Variants in GRM8 observed in about 807,000 individuals in gnomAD.
GRM8 encodes the protein glutamate metabotropic receptor 8.
GRM8 carries 47 observed loss-of-function variants against 87.2 expected under a neutral mutation model. The observed-to-expected ratio is 0.54, with a 90% CI of 0.43 to 0.69. The LOEUF (loss-of-function observed/expected upper bound fraction) is 0.69, where lower values mean the gene tolerates loss of function less well. GRM8 is among the 30% of genes least tolerant of loss of function. GRM8 has a pLI of 0.00. For missense variants in GRM8, 1,019 were observed against 1,139.2 expected (o/e 0.89, Z 1.52); for synonymous variants, 396 against 404.5 (o/e 0.98, Z 0.25).
At chr7:126,980,702 C>T (rs1052863718) in intron 3 of GRM8, among the ~76,000 whole-genome samples, 7 of 152,142 alleles carry the variant, frequency 4.6e-5, no homozygotes, top group Non-Finnish European at 7.3e-5. Context: ...TTAACCTTGG[C>T]GATAGTTCTT....
At chr7:126,822,859 T>C (rs1794428773) in intron 6 of GRM8, among the ~76,000 whole-genome samples, 1 of 152,224 alleles carries the variant, frequency 6.6e-6, no homozygotes, top group South Asian at 2.1e-4. Flanking sequence ...GCTATCCAGA[T>C]GCAGACAATT....
Position 126,649,609 on chromosome 7 carries a change from AG to A in GRM8, c.1358-40112del, listed in dbSNP as rs552015259. Reference sequence around the variant, plus strand: ...GACTAATACAGATTTTGGTACCTGGAGTGGAGTCAGTAGAGACATTCCTTCT... The same window carrying A: ...GACTAATACAGATTTTGGTACCTGGATGGAGTCAGTAGAGACATTCCTTCT... On this transcript the variant is annotated intron_variant, in intron 7 of 10. Coordinates refer to ENST00000339582, the MANE Select transcript of GRM8 (RefSeq NM_000845.3). Among the ~76,000 whole-genome samples the A allele has an allele frequency of 3.9e-5, 6 of 152,258 alleles. No individual in the cohort carries two copies. In the South Asian group the frequency reaches 1.2e-3, roughly 32 times the overall value.
intron 6 of GRM8, among the ~76,000 whole-genome samples, chr7:126,848,467 A>G (rs1170040434): frequency 6.6e-6 from 1 of 152,160 alleles, no homozygotes; most frequent in Admixed American, 6.5e-5. Context: ...GTTAAATAAA[A>G]TATATTAAAA....
chr7:126,978,315 C>A (rs1165223899), intron 3 of GRM8, among the ~76,000 whole-genome samples: 1 of 152,086 alleles, frequency 6.6e-6, no homozygotes, highest in African/African-American at 2.4e-5. Flanking sequence ...CCATGAAGTA[C>A]TGCAATACAA....
At chr7:127,201,386 C>G (rs960803764) in intron 2 of GRM8, among the ~76,000 whole-genome samples, 2 of 152,154 alleles carry the variant, frequency 1.3e-5, no homozygotes, top group African/African-American at 4.8e-5. Context: ...CTGGGGCTGC[C>G]GCTCAAATGC....
intron 7 of GRM8, among the ~76,000 whole-genome samples, chr7:126,726,625 C>T (rs1813011052): frequency 6.6e-6 from 1 of 152,066 alleles, no homozygotes; most frequent in Admixed American, 6.6e-5. Flanking sequence ...ATCTGATGGC[C>T]CTTTTCTACT....
chr7:126,514,795 T>C (rs1469036694), intron 9 of GRM8, among the ~76,000 whole-genome samples: 1 of 152,068 alleles, frequency 6.6e-6, no homozygotes, highest in East Asian at 1.9e-4. Flanking sequence ...ATTGTACTAA[T>C]TAAAATTCTA....
At chr7:127,209,059 G>A (rs899371741) in intron 2 of GRM8, among the ~76,000 whole-genome samples, 1 of 152,178 alleles carries the variant, frequency 6.6e-6, no homozygotes, top group Non-Finnish European at 1.5e-5. Context: ...CTGCACGGCT[G>A]CAAGAACCAA....
intron 9 of GRM8, among the ~76,000 whole-genome samples, chr7:126,523,019 T>C (rs1396431019): frequency 2.0e-5 from 3 of 152,236 alleles, no homozygotes; most frequent in Non-Finnish European, 4.4e-5. Context: ...AGCTATAAGC[T>C]GACACTTAAA....
At chr7:126,800,082 T>C (rs1822481097) in intron 6 of GRM8, among the ~76,000 whole-genome samples, 1 of 152,118 alleles carries the variant, frequency 6.6e-6, no homozygotes, top group South Asian at 2.1e-4. Context: ...TATGATGACA[T>C]GGTTATCCTC....
chr7:126,660,348 A>T (rs1350146837), intron 7 of GRM8, among the ~76,000 whole-genome samples: 1 of 152,204 alleles, frequency 6.6e-6, no homozygotes, highest in Non-Finnish European at 1.5e-5. Flanking sequence ...GATAATCTAT[A>T]TAAAGTGCAA....
chr7:126,782,849 C>A (rs1251387308), intron 6 of GRM8, among the ~76,000 whole-genome samples: 1 of 152,120 alleles, frequency 6.6e-6, no homozygotes, highest in Non-Finnish European at 1.5e-5. Flanking sequence ...CTAGGTCTTT[C>A]ACTTTTCTTC....
At chr7:126,813,464 C>G (rs914755499) in intron 6 of GRM8, among the ~76,000 whole-genome samples, 11 of 152,104 alleles carry the variant, frequency 7.2e-5, no homozygotes, top group African/African-American at 2.7e-4. Flanking sequence ...AATGAGGACA[C>G]TGGAGACATG....
At chr7:126,704,737 T>C (rs1810311855) in intron 7 of GRM8, among the ~76,000 whole-genome samples, 1 of 152,080 alleles carries the variant, frequency 6.6e-6, no homozygotes, top group South Asian at 2.1e-4. Context: ...CCAGGCTTAT[T>C]AGGAAGAGGA....
At chr7:126,668,848 G>A (rs1434202702) in intron 7 of GRM8, among the ~76,000 whole-genome samples, 1 of 152,062 alleles carries the variant, frequency 6.6e-6, no homozygotes, top group Admixed American at 6.5e-5. Context: ...TCTGTGTATT[G>A]TGTGTAATGT....
At chr7:126,743,846 G>A (rs775085270) in intron 7 of GRM8, among the ~76,000 whole-genome samples, 3 of 151,942 alleles carry the variant, frequency 2.0e-5, no homozygotes, top group Non-Finnish European at 4.4e-5. Flanking sequence ...CATTTTCATA[G>A]CAATATTAAA....
chr7:126,594,675 GATA>G (rs1796998363), intron 8 of GRM8, among the ~76,000 whole-genome samples: 1 of 151,968 alleles, frequency 6.6e-6, no homozygotes, highest in Admixed American at 6.6e-5. Context: ...AGTGACTATA[GATA>G]ATAATATATT....
intron 6 of GRM8, among the ~76,000 whole-genome samples, chr7:126,830,103 T>G (rs903818454): frequency 1.3e-5 from 2 of 152,236 alleles, no homozygotes; most frequent in African/African-American, 4.8e-5. Context: ...CCTTTGAGGG[T>G]AACCCGAGCT....
chr7:126,852,224 C>T (rs1296069320), intron 6 of GRM8, among the ~76,000 whole-genome samples: 2 of 152,158 alleles, frequency 1.3e-5, no homozygotes, highest in Non-Finnish European at 2.9e-5. Flanking sequence ...ATTCTATGTG[C>T]CTGTTTCTGT....
Sources: allele counts gnomAD v4.1 joint callset (sites outside exome capture counted in the v4.1 genomes callset), GRCh38; gene constraint gnomAD v4.1.1; transcripts MANE v1.5; gene names NCBI Gene and HGNC (gene_info 2026-07-23, HGNC 2026-07-21).